ACACA: variants seen among roughly 807,000 people sequenced by gnomAD.
The protein encoded by ACACA is acetyl-CoA carboxylase 1.
ACACA carries 103 observed loss-of-function variants against 296.1 expected under a neutral mutation model. That is an observed-to-expected ratio of 0.35 (90% CI 0.30 to 0.41). The LOEUF is 0.41. ACACA is among the 10% of genes least tolerant of loss of function. The pLI, the probability that ACACA is intolerant of heterozygous loss-of-function variation, is 1.00. For synonymous variants in ACACA, 953 were observed against 1,038.6 expected (o/e 0.92, Z 1.58); for missense variants, 1,554 against 2,989.7 (o/e 0.52, Z 11.20).
At chr17:37,181,112 C>T (rs1244952974) in intron 40 of ACACA, 89 bp downstream of exon 40, 3 of 1,431,890 alleles carry the variant, frequency 2.1e-6, no homozygotes, top group Admixed American at 1.7e-5. Context: ...CTTTGGAGTG[C>T]CCCCTTCTAG....
At chr17:37,198,497 T>C (rs949842691) in intron 35 of ACACA, among the ~76,000 whole-genome samples, 1 of 152,234 alleles carries the variant, frequency 6.6e-6, no homozygotes. Flanking sequence ...GCCACAGTGT[T>C]TATCCATGGG....
chr17:37,100,091 ACT>A (rs1459054642), intron 52 of ACACA, among the ~76,000 whole-genome samples: 1 of 152,242 alleles, frequency 6.6e-6, no homozygotes, highest in South Asian at 2.1e-4. Context: ...GAAAGGGAAC[ACT>A]CTCTCTTCCA....
chr17:37,334,721 TCACTGCACCCCGTCCATGC>T (rs545410914), intron 2 of ACACA, among the ~76,000 whole-genome samples: 2 of 151,916 alleles, frequency 1.3e-5, no homozygotes, highest in South Asian at 2.1e-4. Context: ...CCTTTCACTC[TCACTGCACCCCGTCCATGC>T]CACTGCACCC....
intron 33 of ACACA, among the ~76,000 whole-genome samples, chr17:37,201,865 C>T (rs2078264929): frequency 6.6e-6 from 1 of 152,090 alleles, no homozygotes; most frequent in South Asian, 2.1e-4. Context: ...TGGGTTATTT[C>T]TTCCAATTTC....
chr17:37,155,828 A>G, intron 42 of ACACA, 48 bp from the exon 43 acceptor site: 4 of 1,252,770 alleles, frequency 3.2e-6, no homozygotes. Context: ...ATTGTCATAT[A>G]ATCAGAAGAT....
chr17:37,373,938 C>G (rs548501188), intron 1 of ACACA, among the ~76,000 whole-genome samples: 51 of 152,290 alleles, frequency 3.3e-4, no homozygotes, highest in African/African-American at 1.2e-3. Flanking sequence ...AAGCAGGCAG[C>G]CAGAGGCAAG....
chr17:37,114,725 A>T (rs1250104016), intron 50 of ACACA, among the ~76,000 whole-genome samples: 1 of 152,102 alleles, frequency 6.6e-6, no homozygotes, highest in Non-Finnish European at 1.5e-5. Flanking sequence ...TAGGTTTATG[A>T]GTCCAGATGT....
chr17:37,213,558 A>G (rs1791175350), intron 29 of ACACA, among the ~76,000 whole-genome samples: 2 of 152,304 alleles, frequency 1.3e-5, no homozygotes, highest in Admixed American at 1.3e-4. Context: ...TACAGATGTG[A>G]TAACCAAAAA....
chr17:37,200,073 G>T (rs531700129), intron 35 of ACACA, 66 bp downstream of exon 35: 4 of 1,198,468 alleles, frequency 3.3e-6, no homozygotes, highest in Admixed American at 1.7e-5. Context: ...ATATATTCTG[G>T]TTAAATAATC....
In ACACA at chr17:37,299,717, C is replaced by T. The variant is rs2083528724; in HGVS notation, c.339-14747G>A. Reference sequence around the variant, plus strand: ...CAGCAAACATTTTCAACAACAGTCACTTTCTTCTGACAGTCAACGGAGAAA... The same window carrying T: ...CAGCAAACATTTTCAACAACAGTCATTTTCTTCTGACAGTCAACGGAGAAA... On this transcript the variant is annotated intron_variant, in intron 3 of 55. Transcript: ENST00000616317. 8.9e-6 allele frequency: 9 copies of T among 1,005,846 alleles called. No individual in the cohort carries two copies. The South Asian group carries it at 3.5e-4, about 39-fold the overall frequency. The allele number at this position is 1,005,846 out of a possible 1,614,324, so 62.3% of individuals were successfully genotyped here.
At chr17:37,213,384 T>C (rs984519535) in intron 29 of ACACA, among the ~76,000 whole-genome samples, 1 of 149,266 alleles carries the variant, frequency 6.7e-6, no homozygotes, top group African/African-American at 2.5e-5. Context: ...AATTGCTCAA[T>C]CTTTGATAAG....
intron 1 of ACACA, among the ~76,000 whole-genome samples, chr17:37,344,094 A>T (rs2048507041): frequency 6.6e-6 from 1 of 151,666 alleles, no homozygotes; most frequent in African/African-American, 2.4e-5. Flanking sequence ...ATAAAAAGAT[A>T]AAAAATAAAA....
intron 45 of ACACA, among the ~76,000 whole-genome samples, chr17:37,138,789 A>G (rs2075435380): frequency 6.6e-6 from 1 of 152,238 alleles, no homozygotes. Flanking sequence ...ATTCACAACA[A>G]ATTCATGATA....
chr17:37,130,685 G>A (rs1295985254), intron 45 of ACACA, among the ~76,000 whole-genome samples: 1 of 151,984 alleles, frequency 6.6e-6, no homozygotes, highest in Non-Finnish European at 1.5e-5. Context: ...CCACAGATAG[G>A]CAAAGCATAC....
chr17:37,308,303 A>G (rs1200783146), intron 3 of ACACA, among the ~76,000 whole-genome samples: 1 of 152,238 alleles, frequency 6.6e-6, no homozygotes, highest in Non-Finnish European at 1.5e-5. Flanking sequence ...GAATATAATA[A>G]GACGAATTTA....
rs946383423 is a variant in ACACA at position 37,257,976 on chromosome 17, C to A, written c.1663-110G>T. 6.3e-6 allele frequency: 9 copies of A among 1,421,328 alleles called. No individual in the cohort carries two copies. The African/African-American group carries it at 8.5e-5, about 13-fold the overall frequency. The allele number at this position is 1,421,328 out of a possible 1,614,324, so 88.0% of individuals were successfully genotyped here. On this transcript the variant is annotated intron_variant, in intron 13 of 55. Coordinates refer to ENST00000616317, the MANE Select transcript of ACACA (RefSeq NM_198834.3). ...ATCACACACAGAAGCAGAGAAGACACACAAAAATGATAAAGGCCAAGACCC... is the reference window on the plus strand; with the variant it reads ...ATCACACACAGAAGCAGAGAAGACAAACAAAAATGATAAAGGCCAAGACCC...
chr17:37,186,969 C>A (rs1356344127), intron 39 of ACACA, among the ~76,000 whole-genome samples: 1 of 151,730 alleles, frequency 6.6e-6, no homozygotes, highest in Non-Finnish European at 1.5e-5. Flanking sequence ...TCTCAAGTGG[C>A]CATCTTACTT....
rs149667560 is a variant in ACACA, at chr17:37,251,483, A to T, written c.2081+522T>A. ...TTAAAGTGCTTTAAAATGATTAGCC[A>T]CTTGGAACATTCCTCTGGGGACTCA... On this transcript the variant is annotated intron_variant, in intron 16 of 55. Transcript: ENST00000616317. 7.0e-3 allele frequency among the ~76,000 whole-genome samples: 1,062 copies of T among 152,358 alleles called. 7 individuals carry two copies. The highest frequency in any genetic ancestry group is 0.051 in the Middle Eastern group (15 of 294).
intron 40 of ACACA, 90 bp downstream of exon 40, chr17:37,181,110 TG>T: frequency 7.3e-7 from 1 of 1,376,968 alleles, no homozygotes; most frequent in South Asian, 1.2e-5. Context: ...CCCTTTGGAG[TG>T]CCCCCTTCTA....
Sources: gnomAD v4.1 joint callset for allele counts (sites outside exome capture counted in the v4.1 genomes callset) on GRCh38, gnomAD v4.1.1 for gene constraint, MANE v1.5 for transcripts, NCBI Gene and HGNC (gene_info 2026-07-23, HGNC 2026-07-21) for gene names.